Variants in DMD observed in about 807,000 individuals in gnomAD.
The protein encoded by DMD is dystrophin, also known as mutant dystrophin.
In DMD, 63 loss-of-function variants were observed where a neutral mutation model predicts 330.1. The ratio of observed to expected loss-of-function variants is 0.19; its 90% CI spans 0.16 to 0.24. The LOEUF (loss-of-function observed/expected upper bound fraction) is 0.24, where lower values mean the gene tolerates loss of function less well. Among genes scored for constraint, DMD ranks in the 10% least tolerant of loss-of-function variants. The pLI is 1.00. For missense variants in DMD, 3,344 were observed against 2,684.1 expected (o/e 1.25, Z -5.43); for synonymous variants, 1,223 against 959.8 (o/e 1.27, Z -5.07).
intron 4 of DMD, among the ~76,000 whole-genome samples, chrX:32,834,104 A>T (rs745444655): frequency 1.1e-3 from 118 of 111,775 alleles, no homozygotes; most frequent in Non-Finnish European, 1.7e-3. Context: ...TGCATTTCGC[A>T]GATGATAAAG....
intron 63 of DMD, among the ~76,000 whole-genome samples, chrX:31,236,858 G>A (rs985878956): frequency 4.5e-5 from 5 of 111,186 alleles, no homozygotes; most frequent in South Asian, 3.8e-4. Flanking sequence ...AATAGTTTTG[G>A]TAACTTCAAC....
At chrX:33,001,049 A>C (rs1244579413) in intron 2 of DMD, among the ~76,000 whole-genome samples, 1 of 111,548 alleles carries the variant, frequency 9.0e-6, no homozygotes, top group East Asian at 2.8e-4. Flanking sequence ...TCTTCTAATA[A>C]TCACCTACTG....
intron 47 of DMD, among the ~76,000 whole-genome samples, chrX:31,894,415 G>A (rs1273422847): frequency 1.8e-5 from 2 of 111,563 alleles, no homozygotes; most frequent in African/African-American, 3.3e-5. Flanking sequence ...CTACATTCCC[G>A]ATGATGTGGC....
intron 1 of DMD, among the ~76,000 whole-genome samples, chrX:33,257,549 G>A (rs1219048504): frequency 9.0e-6 from 1 of 110,990 alleles, no homozygotes; most frequent in East Asian, 2.8e-4. Context: ...ATGCAATGTA[G>A]CATCCTTCTT....
At chrX:32,648,864 G>A (rs1158208099) in intron 9 of DMD, among the ~76,000 whole-genome samples, 1 of 111,767 alleles carries the variant, frequency 8.9e-6, no homozygotes, top group East Asian at 2.8e-4. Context: ...CTTCATACAT[G>A]TCATGGCATC....
chrX:31,638,876 T>C (rs926132116), intron 54 of DMD, among the ~76,000 whole-genome samples: 65 of 111,868 alleles, frequency 5.8e-4, no homozygotes, highest in South Asian at 1.1e-3. Flanking sequence ...CAACAACTGG[T>C]TAGGGGGCGA....
Position 32,048,473 on chromosome X carries a change from C to T in DMD, c.6439-79959G>A, listed in dbSNP as rs775818807. 4.6e-5 allele frequency among the ~76,000 whole-genome samples: 5 copies of T among 108,991 alleles called. No homozygotes were observed. In the South Asian group the frequency reaches 2.0e-3, roughly 44 times the overall value. 94.6% of individuals were successfully genotyped at this position (108,991 alleles called of 115,157 possible). A position where few individuals can be genotyped will look rare whatever the true frequency, so the allele number is the denominator to read the frequency against. On this transcript the variant is annotated intron_variant, in intron 44 of 78. Transcript: ENST00000357033. ...TCTGGGCCTCGGCTCTTACTAGTTC[C>T]TTATCCTGACTCATTTCTTTAGATA...
intron 63 of DMD, among the ~76,000 whole-genome samples, chrX:31,254,517 C>T (rs1243450893): frequency 1.8e-5 from 2 of 110,539 alleles, no homozygotes; most frequent in African/African-American, 3.3e-5. Context: ...CCACCATGCT[C>T]GGCTAATTTT....
chrX:32,738,275 A>G (rs2068781287), intron 7 of DMD, among the ~76,000 whole-genome samples: 1 of 111,319 alleles, frequency 9.0e-6, no homozygotes, highest in African/African-American at 3.3e-5. Flanking sequence ...TGCTTTTAAA[A>G]TCATCACTCC....
intron 2 of DMD, among the ~76,000 whole-genome samples, chrX:32,912,030 G>GGA (rs58167255): frequency 0.027 from 1,731 of 64,672 alleles, 26 homozygotes; most frequent in South Asian, 0.067. Flanking sequence ...GGAGAGAAGG[G>GGA]GAGAGAGAGA....
intron 1 of DMD, among the ~76,000 whole-genome samples, chrX:33,165,851 A>G (rs926421979): frequency 1.8e-4 from 20 of 112,026 alleles, no homozygotes; most frequent in African/African-American, 6.1e-4. Context: ...AAGGGCATCA[A>G]GTAAGAAGAG....
intron 60 of DMD, among the ~76,000 whole-genome samples, chrX:31,349,317 C>T (rs1191848595): frequency 8.9e-6 from 1 of 111,984 alleles, no homozygotes; most frequent in Non-Finnish European, 1.9e-5. Flanking sequence ...TGGCGCATGC[C>T]TGTAGTCCCA....
At chrX:33,001,744 G>T (rs952333703) in intron 2 of DMD, among the ~76,000 whole-genome samples, 5 of 111,072 alleles carry the variant, frequency 4.5e-5, no homozygotes, top group African/African-American at 1.6e-4. Context: ...AATGAGAAAG[G>T]TATCATTTGG....
chrX:31,907,514 T>C (rs1389627129), intron 47 of DMD, among the ~76,000 whole-genome samples: 1 of 111,947 alleles, frequency 8.9e-6, no homozygotes, highest in African/African-American at 3.2e-5. Context: ...TAGCCATATG[T>C]AGAAAGCTGA....
chrX:32,461,746 C>A (rs935793265), intron 25 of DMD, among the ~76,000 whole-genome samples: 1 of 109,283 alleles, frequency 9.2e-6, no homozygotes, highest in South Asian at 3.9e-4. Flanking sequence ...AAACAAAAAA[C>A]AAATACCTTT....
At chrX:32,073,572 G>A (rs1289314359) in intron 44 of DMD, among the ~76,000 whole-genome samples, 1 of 111,510 alleles carries the variant, frequency 9.0e-6, no homozygotes, top group African/African-American at 3.3e-5. Flanking sequence ...TGGATTGCAA[G>A]TAAAATTCAA....
intron 55 of DMD, among the ~76,000 whole-genome samples, chrX:31,583,928 G>A (rs2076461146): frequency 1.3e-5 from 1 of 76,774 alleles, no homozygotes; most frequent in Admixed American, 1.8e-4. Context: ...CCCACAACAG[G>A]CCCTGGTGTG....
At chrX:32,532,259 C>G (rs760262272) in intron 17 of DMD, among the ~76,000 whole-genome samples, 1 of 111,675 alleles carries the variant, frequency 9.0e-6, no homozygotes, top group African/African-American at 3.3e-5. Context: ...TCAAGTGTTG[C>G]CATGGGACAC....
chrX:31,430,333 T>C (rs930090289), intron 60 of DMD, among the ~76,000 whole-genome samples: 1 of 111,263 alleles, frequency 9.0e-6, no homozygotes, highest in African/African-American at 3.3e-5. Context: ...TAAACAATAC[T>C]CCTTTTGGGC....
Sources: allele counts gnomAD v4.1 joint callset (sites outside exome capture counted in the v4.1 genomes callset), GRCh38; gene constraint gnomAD v4.1.1; transcripts MANE v1.5; gene names NCBI Gene and HGNC (gene_info 2026-07-23, HGNC 2026-07-21).